The following UNC79 variants were observed in gnomAD, a reference collection of about 807,000 sequenced individuals.
UNC79 encodes the protein protein unc-79 homolog.
In UNC79, 37 loss-of-function variants were observed where a neutral mutation model predicts 283.1. The observed-to-expected ratio is 0.13, with a 90% CI of 0.10 to 0.17. The LOEUF is 0.17. Ranked by LOEUF, UNC79 falls within the 10% of genes least tolerant of loss-of-function variation. The pLI, the probability that UNC79 is intolerant of heterozygous loss-of-function variation, is 1.00. For missense variants in UNC79, 2,272 were observed against 3,211.1 expected (o/e 0.71, Z 7.07); for synonymous variants, 1,107 against 1,200.2 (o/e 0.92, Z 1.61).
In UNC79 at chr14:93,431,283, G is replaced by C. The variant is rs1165058260; in HGVS notation, c.22+232G>C. On this transcript the variant is annotated intron_variant, in intron 1 of 48. Coordinates refer to ENST00000555664, the Ensembl canonical transcript of UNC79. The stretch of plus-strand genomic sequence containing the variant: ...ATACGGTCTTCCTCGGGCTCCAGCG[G>C]GGGTTTCTCAAGACTCAGAGACCCT... Among the ~76,000 whole-genome samples, 7 of 151,992 alleles carry C rather than the reference G, an allele frequency of 4.6e-5. 1 individual carries two copies. Among genetic ancestry groups the C allele is most frequent in the Non-Finnish European group, 7.4e-5 (5 of 67,996 alleles).
At chr14:93,622,872 T>C in intron 30 of UNC79, 31 bp downstream of exon 32, 2 of 1,595,556 alleles carry the variant, frequency 1.3e-6, no homozygotes, top group South Asian at 2.3e-5. Flanking sequence ...TCTCTCAGCC[T>C]TAACTTTAAG....
intron 1 of UNC79, among the ~76,000 whole-genome samples, chr14:93,359,867 C>T (rs1178517987): frequency 6.6e-6 from 1 of 152,208 alleles, no homozygotes. Context: ...TGCTGTTCAT[C>T]TTTTTCCCAT....
chr14:93,371,802 T>C (rs2054455696), intron 1 of UNC79, among the ~76,000 whole-genome samples: 1 of 151,146 alleles, frequency 6.6e-6, no homozygotes, highest in African/African-American at 2.4e-5. Flanking sequence ...GATGCACAAC[T>C]GCACTCCAGC....
rs575250972 is a variant in UNC79, at chr14:93,574,607, A to AT, written c.2071-444dup. On this transcript the variant is annotated intron_variant, in intron 16 of 48. Coordinates refer to ENST00000555664, the Ensembl canonical transcript of UNC79. ...TTAATTCTGTCTGAAGGAAGAAGGC[A>AT]TTTTTTTCCAGAAAATTAATGACAG... Among the ~76,000 whole-genome samples, 181 of 152,286 alleles carry AT rather than the reference A, an allele frequency of 1.2e-3. 1 individual carries two copies. Among genetic ancestry groups the AT allele is most frequent in the Non-Finnish European group, 1.2e-3 (80 of 68,020 alleles).
chr14:93,706,018 A>G (rs2075855887), intron 48 of UNC79, among the ~76,000 whole-genome samples: 1 of 152,188 alleles, frequency 6.6e-6, no homozygotes, highest in African/African-American at 2.4e-5. Flanking sequence ...TTTCTGTGAA[A>G]AGAGAGTTTC....
At chr14:93,346,851 A>G (rs1208675168) in intron 1 of UNC79, among the ~76,000 whole-genome samples, 1 of 151,848 alleles carries the variant, frequency 6.6e-6, no homozygotes, top group African/African-American at 2.4e-5. Flanking sequence ...AGAGTTTAGG[A>G]GAGGATAGGA....
chr14:93,556,761 A>G (rs2062199517), intron 14 of UNC79, among the ~76,000 whole-genome samples: 1 of 152,182 alleles, frequency 6.6e-6, no homozygotes, highest in Non-Finnish European at 1.5e-5. Flanking sequence ...GGCCTTTTAA[A>G]TGTATGTATA....
At chr14:93,396,895 G>A (rs1387299331) in intron 1 of UNC79, among the ~76,000 whole-genome samples, 2 of 151,880 alleles carry the variant, frequency 1.3e-5, no homozygotes, top group Non-Finnish European at 2.9e-5. Context: ...CAAGCCAGAT[G>A]TGAGAGCTTA....
chr14:93,361,989 T>G (rs1360148758), intron 1 of UNC79, among the ~76,000 whole-genome samples: 2 of 152,220 alleles, frequency 1.3e-5, no homozygotes, highest in African/African-American at 4.8e-5. Context: ...ATGAAAACAT[T>G]TATTCACTTG....
intron 1 of UNC79, among the ~76,000 whole-genome samples, chr14:93,401,853 C>A (rs2055113703): frequency 1.3e-5 from 2 of 152,050 alleles, no homozygotes; most frequent in South Asian, 2.1e-4. Context: ...AACAAACAGA[C>A]AAACCACAAA....
chr14:93,400,752 G>A (rs1417163399), intron 1 of UNC79, among the ~76,000 whole-genome samples: 1 of 152,042 alleles, frequency 6.6e-6, no homozygotes, highest in Non-Finnish European at 1.5e-5. Context: ...AGTGGAGTGA[G>A]AGCAGTACCC....
At chr14:93,668,979 A>T (rs868494593) in intron 40 of UNC79, among the ~76,000 whole-genome samples, 54 of 58,912 alleles carry the variant, frequency 9.2e-4, no homozygotes, top group Non-Finnish European at 3.5e-4. Flanking sequence ...AACATTGTCT[A>T]AAAAAAAAAA....
At chr14:93,595,795 T>C (rs898270879) in intron 23 of UNC79, among the ~76,000 whole-genome samples, 3 of 152,230 alleles carry the variant, frequency 2.0e-5, no homozygotes, top group Non-Finnish European at 4.4e-5. Flanking sequence ...ATATTTCAGC[T>C]ATAGTTGTAC....
In UNC79 at chr14:93,532,589, A is replaced by G; in HGVS notation, c.1122+11A>G. On this transcript the variant is annotated intron_variant, in intron 11 of 48. Transcript: ENST00000555664. ...ATATGTCAGAAAAAGGTAAGAGCAA[A>G]CCATTTGTGTCGTTGGGGCATGATT... 5.0e-6 allele frequency: 8 copies of G among 1,610,582 alleles called. No homozygotes were observed. The highest frequency in any genetic ancestry group is 6.8e-6 in the Non-Finnish European group (8 of 1,178,094).
exon 46 of UNC79, chr14:93,691,771 C>G (rs2074718671): frequency 6.2e-7 from 1 of 1,614,052 alleles, no homozygotes; most frequent in South Asian, 1.1e-5. Context: ...CACATGTGCT[C>G]CCTCTTCCAC....
chr14:93,642,636 C>T (rs1313680078), intron 33 of UNC79, among the ~76,000 whole-genome samples: 1 of 152,096 alleles, frequency 6.6e-6, no homozygotes, highest in Admixed American at 6.6e-5. Flanking sequence ...TGGGATTACC[C>T]CGCTCCCCAA....
At chr14:93,706,577 G>T in intron 48 of UNC79, 127 bp from the exon 52 acceptor site, 1 of 1,026,782 alleles carries the variant, frequency 9.7e-7, no homozygotes. Context: ...TAGAGAGTTT[G>T]CCTTCTTCAG....
chr14:93,376,439 A>G (rs1566900770), intron 1 of UNC79, among the ~76,000 whole-genome samples: 1 of 151,394 alleles, frequency 6.6e-6, no homozygotes, highest in Non-Finnish European at 1.5e-5. Flanking sequence ...TCTAAAGAAG[A>G]AAAAAAAATC....
intron 1 of UNC79, among the ~76,000 whole-genome samples, chr14:93,350,624 G>T (rs922159748): frequency 2.0e-5 from 3 of 152,108 alleles, no homozygotes; most frequent in African/African-American, 7.2e-5. Context: ...TAAAACAGGG[G>T]TTACTTAAGG....
Sources: allele counts gnomAD v4.1 joint callset (sites outside exome capture counted in the v4.1 genomes callset), GRCh38; gene constraint gnomAD v4.1.1; transcripts MANE v1.5; gene names NCBI Gene and HGNC (gene_info 2026-07-23, HGNC 2026-07-21).